Variants in BOLL observed in about 807,000 individuals in gnomAD.
BOLL encodes the protein protein boule-like.
Under a neutral mutation model 44.4 loss-of-function variants are expected in BOLL, and 23 were observed. That is an observed-to-expected ratio of 0.52 (90% CI 0.37 to 0.73). The LOEUF (loss-of-function observed/expected upper bound fraction) is 0.73. BOLL is among the 30% of genes least tolerant of loss of function. The pLI, the probability that BOLL is intolerant of heterozygous loss-of-function variation, is 0.00. For missense variants in BOLL, 287 were observed against 338.3 expected (o/e 0.85, Z 1.19); for synonymous variants, 97 against 110.8 (o/e 0.88, Z 0.78).
At chr2:197,740,283 C>G (rs1272585746) in intron 10 of BOLL, among the ~76,000 whole-genome samples, 1 of 152,042 alleles carries the variant, frequency 6.6e-6, no homozygotes, top group African/African-American at 2.4e-5. Context: ...TAGCTAATAT[C>G]CATTATTTTA....
rs140786761 is a variant in BOLL at position 197,767,562 on chromosome 2, A to T, written c.481-959T>A. ...TTATGATTAAAAACTCTTAACAAACATGGTAGAAAATGGCTTCCTTAATTG... is the reference window on the plus strand; with the variant it reads ...TTATGATTAAAAACTCTTAACAAACTTGGTAGAAAATGGCTTCCTTAATTG... On this transcript the variant is annotated intron_variant, in intron 6 of 10. Transcript: ENST00000392296. Among the ~76,000 whole-genome samples the T allele has an allele frequency of 6.3e-4, 96 of 152,130 alleles. 2 individuals are homozygous for T. In the East Asian group the frequency reaches 0.016, roughly 25 times the overall value.
intron 10 of BOLL, among the ~76,000 whole-genome samples, chr2:197,732,089 A>T (rs1208133938): frequency 2.0e-5 from 3 of 151,736 alleles, no homozygotes; most frequent in African/African-American, 7.3e-5. Flanking sequence ...AAAAAGAGAG[A>T]AGAATCAAAT....
At chr2:197,732,283 A>G (rs1350819273) in intron 10 of BOLL, among the ~76,000 whole-genome samples, 1 of 152,010 alleles carries the variant, frequency 6.6e-6, no homozygotes, top group African/African-American at 2.4e-5. Flanking sequence ...CTCTGAATAG[A>G]CCAATAACAG....
At chr2:197,774,673 C>T (rs561181795) in intron 5 of BOLL, 1 of 152,024 alleles carries the variant, frequency 6.6e-6, no homozygotes, top group South Asian at 2.1e-4. Flanking sequence ...TATGTTCTAG[C>T]TTAACCTTTG....
chr2:197,772,725 A>T (rs1222197731), intron 5 of BOLL, among the ~76,000 whole-genome samples: 6 of 151,944 alleles, frequency 3.9e-5, no homozygotes, highest in South Asian at 2.1e-4. Flanking sequence ...ATATATATAT[A>T]TTTTTTGTCA....
At chr2:197,734,589 G>GA (rs1490703013) in intron 10 of BOLL, among the ~76,000 whole-genome samples, 2 of 152,172 alleles carry the variant, frequency 1.3e-5, no homozygotes, top group Non-Finnish European at 2.9e-5. Flanking sequence ...AGTGGATTAA[G>GA]AAAATGTGGC....
At position 197,775,677 on chromosome 2, in the gene BOLL, C is replaced by G. The variant is rs747527656; in HGVS notation, c.340G>C (p.Val114Leu). ...NIGPAIRKQQVGIPRSSIMPA... is the reference protein window; with the variant it reads ...NIGPAIRKQQLGIPRSSIMPA... ...TCTCAATACATACGAGGGATCCCTA[C>G]TTGTTGTTTTCTTATTGCTGGACCA... Residue 114 changes from valine to leucine, a missense_variant, in exon 5 of 11, where the codon GTA becomes CTA. By Grantham distance (32) the Val-to-Leu change is conservative (BLOSUM62 1). Transcript: ENST00000392296. 6.4e-7 allele frequency: 1 copy of G among 1,563,712 alleles called. No homozygotes were observed. The highest frequency in any genetic ancestry group is 1.2e-5 in the South Asian group (1 of 82,380).
At chr2:197,751,304 A>C (rs1033632475) in intron 9 of BOLL, among the ~76,000 whole-genome samples, 3 of 152,190 alleles carry the variant, frequency 2.0e-5, no homozygotes, top group Non-Finnish European at 2.9e-5. Flanking sequence ...ATTAGAGCAG[A>C]ACTGAGGGAG....
At chr2:197,783,966 A>G (rs1216629740) in intron 1 of BOLL, among the ~76,000 whole-genome samples, 2 of 152,186 alleles carry the variant, frequency 1.3e-5, no homozygotes, top group African/African-American at 4.8e-5. Context: ...AAACCCCATT[A>G]TATTTCATTG....
intron 6 of BOLL, among the ~76,000 whole-genome samples, chr2:197,771,045 A>G (rs771047667): frequency 1.6e-4 from 24 of 152,182 alleles, no homozygotes; most frequent in Non-Finnish European, 3.2e-4. Flanking sequence ...AGAAACATGT[A>G]AACGTATGTT....
chr2:197,758,984 T>C, intron 7 of BOLL: 3 of 1,536,018 alleles, frequency 2.0e-6, no homozygotes, highest in Non-Finnish European at 8.7e-7. Context: ...CCATCCATCT[T>C]CTTGTATGAC....
chr2:197,778,869 A>G, intron 3 of BOLL, 106 bp downstream of exon 3: 1 of 848,970 alleles, frequency 1.2e-6, no homozygotes, highest in Non-Finnish European at 1.8e-6. Context: ...AGAGGGCATG[A>G]TGGTCTCTGC....
chr2:197,762,547 A>G (rs1020080110), intron 7 of BOLL, among the ~76,000 whole-genome samples: 12 of 152,234 alleles, frequency 7.9e-5, no homozygotes, highest in African/African-American at 2.2e-4. Context: ...CTGAAATTAT[A>G]TAAAGTATCT....
chr2:197,766,630 T>C lies in BOLL; in HGVS notation c.481-27A>G, dbSNP rs777389326. ...TATAAAAGGATGGAAAAAGAAAAAT[T>C]AGGCAGAAGCCTTTAAAATAGCTCA... is the stretch of plus-strand genomic sequence containing the variant. On this transcript the variant is annotated intron_variant, in intron 6 of 10. Coordinates refer to ENST00000392296, the MANE Select transcript of BOLL (RefSeq NM_033030.6). The C allele has an allele frequency of 2.1e-5, 32 of 1,546,146 alleles. 1 individual carries two copies. The Admixed American group carries it at 5.1e-4, about 25-fold the overall frequency.
At chr2:197,729,364 G>T (rs1050992986) in intron 10 of BOLL, among the ~76,000 whole-genome samples, 1 of 152,192 alleles carries the variant, frequency 6.6e-6, no homozygotes, top group African/African-American at 2.4e-5. Flanking sequence ...AGCTCTAACT[G>T]CAAGGCGGCA....
At chr2:197,731,500 A>G (rs1402743347) in intron 10 of BOLL, among the ~76,000 whole-genome samples, 1 of 134,784 alleles carries the variant, frequency 7.4e-6, no homozygotes, top group Non-Finnish European at 1.6e-5. Flanking sequence ...CCCCAAATCA[A>G]CAGAATATAC....
rs1208767063 is a variant in BOLL, at chr2:197,728,151, T to C, written c.*404A>G. ...TTATAATTAAAAATGATTCTTATCC[T>C]AAATATGAAAATAAATATCAAATAA... On this transcript the variant is annotated 3_prime_UTR_variant, in exon 11 of 11. Coordinates refer to ENST00000392296, the MANE Select transcript of BOLL (RefSeq NM_033030.6). 3 of 258,526 alleles carry C rather than the reference T, an allele frequency of 1.2e-5. No individual in the cohort carries two copies. Among genetic ancestry groups the C allele is most frequent in the African/African-American group, 6.6e-5 (3 of 45,312 alleles). The allele number at this position is 258,526 out of a possible 1,614,324, so 16.0% of individuals were successfully genotyped here. A position where few individuals can be genotyped will look rare whatever the true frequency, so the allele number is the denominator to read the frequency against.
rs1224254388 is a variant in BOLL at position 197,727,441 on chromosome 2, T to C, written c.*1114A>G. ...AAGAGGAATATTTCCTGTACTACTG[T>C]AGAAATTTTAGAGATTAAAAACCCC... On this transcript the variant is annotated 3_prime_UTR_variant, in exon 11 of 11. Coordinates refer to ENST00000392296, the MANE Select transcript of BOLL (RefSeq NM_033030.6). The C allele has an allele frequency of 1.3e-5, 2 of 152,336 alleles. No homozygotes were observed. Among genetic ancestry groups the C allele is most frequent in the Non-Finnish European group, 2.9e-5 (2 of 68,030 alleles). 9.4% of individuals were successfully genotyped at this position (152,336 alleles called of 1,614,324 possible).
rs1199383845 is a variant in BOLL, at chr2:197,784,427, T to C, written c.-16+629A>G. Among the ~76,000 whole-genome samples the C allele has an allele frequency of 6.9e-5, 7 of 100,864 alleles. 1 individual carries two copies. Among genetic ancestry groups the C allele is most frequent in the African/African-American group, 2.7e-4 (7 of 26,230 alleles). The allele number at this position is 100,864 out of a possible 152,430, so 66.2% of individuals were successfully genotyped here. A position where few individuals can be genotyped will look rare whatever the true frequency, so the allele number is the denominator to read the frequency against. ...ATATATATATATATATATATATATA[T>C]ATATATATATATATATATATATTTG... On this transcript the variant is annotated intron_variant, in intron 1 of 10. Transcript: ENST00000392296.
Sources: allele counts gnomAD v4.1 joint callset (sites outside exome capture counted in the v4.1 genomes callset), GRCh38; gene constraint gnomAD v4.1.1; transcripts MANE v1.5; gene names NCBI Gene and HGNC (gene_info 2026-07-23, HGNC 2026-07-21).